Variants in MACROD2 observed in about 807,000 individuals in gnomAD.
MACROD2 encodes mono-ADP ribosylhydrolase 2.
A neutral mutation model predicts 70.4 loss-of-function variants in MACROD2; 36 were observed. That is an observed-to-expected ratio of 0.51 (90% CI 0.39 to 0.68). The LOEUF (loss-of-function observed/expected upper bound fraction) is 0.68, where lower values mean the gene tolerates loss of function less well. Ranked by LOEUF, MACROD2 falls within the 30% of genes least tolerant of loss-of-function variation. The pLI, the probability that MACROD2 is intolerant of heterozygous loss-of-function variation, is 0.00. For missense variants in MACROD2, 496 were observed against 538.4 expected (o/e 0.92, Z 0.78); for synonymous variants, 172 against 178.8 (o/e 0.96, Z 0.30).
intron 12 of MACROD2, among the ~76,000 whole-genome samples, chr20:15,948,231 G>A (rs929734591): frequency 6.6e-6 from 1 of 151,776 alleles, no homozygotes; most frequent in Non-Finnish European, 1.5e-5. Context: ...TGCTAATTAG[G>A]CTAAAACAGG....
At chr20:14,496,206 C>T (rs751905891) in intron 4 of MACROD2, among the ~76,000 whole-genome samples, 33 of 152,128 alleles carry the variant, frequency 2.2e-4, no homozygotes, top group Non-Finnish European at 4.0e-4. Context: ...CTTTTTTCAA[C>T]ATGAATTAAA....
rs150088317 is a variant in MACROD2, at chr20:14,194,751, G to A, written c.271+109023G>A. Among the ~76,000 whole-genome samples the A allele has an allele frequency of 1.2e-3, 178 of 152,290 alleles. 1 individual carries two copies. The highest frequency in any genetic ancestry group is 2.8e-3 in the Admixed American group (43 of 15,302). On this transcript the variant is annotated intron_variant, in intron 3 of 17. Transcript: ENST00000684519. ...TGATTTCAAAGCAGAACAAGGGTGGGACTGTTTGGTAGTGGAAAAGAAAGC... is the reference window on the plus strand; with the variant it reads ...TGATTTCAAAGCAGAACAAGGGTGGAACTGTTTGGTAGTGGAAAAGAAAGC...
At chr20:15,314,039 G>A (rs1013243090) in intron 6 of MACROD2, among the ~76,000 whole-genome samples, 1 of 152,072 alleles carries the variant, frequency 6.6e-6, no homozygotes. Flanking sequence ...TGAATATCTA[G>A]GACAAAGGTA....
intron 3 of MACROD2, among the ~76,000 whole-genome samples, chr20:14,215,728 C>T (rs1247416525): frequency 6.6e-6 from 1 of 152,104 alleles, no homozygotes; most frequent in East Asian, 1.9e-4. Context: ...GGTGCTATCG[C>T]ATTGTGGTTT....
In MACROD2 at chr20:15,085,873, A is replaced by ACAACACAC. The variant is rs35503821; in HGVS notation, c.419-144067_419-144066insCAACACAC. 2.9e-3 allele frequency among the ~76,000 whole-genome samples: 422 copies of ACAACACAC among 144,360 alleles called. 3 individuals carry two copies. Among genetic ancestry groups the ACAACACAC allele is most frequent in the African/African-American group, 0.01 (394 of 39,020 alleles). The allele number at this position is 144,360 out of a possible 152,430, so 94.7% of individuals were successfully genotyped here. On this transcript the variant is annotated intron_variant, in intron 5 of 17. Coordinates refer to ENST00000684519, the MANE Select transcript of MACROD2 (RefSeq NM_001351661.2). ...AAAGATGAATAACACACACACACAC[A>ACAACACAC]ACACACACACACACACACACACACA...
chr20:15,303,091 T>C (rs538159186), intron 6 of MACROD2, among the ~76,000 whole-genome samples: 2 of 152,346 alleles, frequency 1.3e-5, no homozygotes, highest in Non-Finnish European at 2.9e-5. Flanking sequence ...CTTATTTAGT[T>C]AATCTTCATC....
intron 10 of MACROD2, among the ~76,000 whole-genome samples, chr20:15,921,817 G>A (rs1037751793): frequency 6.6e-6 from 1 of 152,230 alleles, no homozygotes; most frequent in Non-Finnish European, 1.5e-5. Context: ...GCGGTGAAGT[G>A]AGATAGAGAA....
intron 6 of MACROD2, among the ~76,000 whole-genome samples, chr20:15,257,710 G>A (rs2077211889): frequency 6.6e-6 from 1 of 151,950 alleles, no homozygotes; most frequent in Non-Finnish European, 1.5e-5. Flanking sequence ...ACATATATAT[G>A]TATAGCACAC....
chr20:14,076,186 G>A (rs2053914195), intron 2 of MACROD2, among the ~76,000 whole-genome samples: 1 of 152,088 alleles, frequency 6.6e-6, no homozygotes, highest in Non-Finnish European at 1.5e-5. Context: ...GTTTATGTAT[G>A]TATGTTATAT....
chr20:14,267,595 A>G (rs930903870), intron 3 of MACROD2, among the ~76,000 whole-genome samples: 23 of 152,166 alleles, frequency 1.5e-4, no homozygotes, highest in Admixed American at 5.2e-4. Context: ...AACCAGGGCA[A>G]TAAGCATAAA....
chr20:15,956,344 A>T (rs758279338), intron 12 of MACROD2, among the ~76,000 whole-genome samples: 2 of 152,204 alleles, frequency 1.3e-5, no homozygotes, highest in Non-Finnish European at 2.9e-5. Context: ...AAAGAGTTTC[A>T]GATTTTTAAC....
chr20:15,485,921 C>T (rs970174045), intron 7 of MACROD2, among the ~76,000 whole-genome samples: 16 of 152,020 alleles, frequency 1.1e-4, no homozygotes, highest in Admixed American at 5.9e-4. Flanking sequence ...TTGCATGAAT[C>T]GCAGTCGATT....
intron 17 of MACROD2, among the ~76,000 whole-genome samples, chr20:16,048,951 A>T (rs1233688205): frequency 1.3e-5 from 2 of 152,238 alleles, no homozygotes; most frequent in Admixed American, 1.3e-4. Context: ...ACATATACAT[A>T]CATGGGAATT....
At chr20:15,107,051 G>A (rs1057252908) in intron 5 of MACROD2, among the ~76,000 whole-genome samples, 1 of 100,754 alleles carries the variant, frequency 9.9e-6, no homozygotes, top group Admixed American at 1.1e-4. Flanking sequence ...TATATAGATT[G>A]TTCTGTAATT....
chr20:15,145,952 A>G (rs2076227061), intron 5 of MACROD2, among the ~76,000 whole-genome samples: 1 of 152,168 alleles, frequency 6.6e-6, no homozygotes, highest in African/African-American at 2.4e-5. Flanking sequence ...AGGCATAAAC[A>G]TATTAATAGT....
At chr20:14,562,176 C>T (rs760280923) in intron 4 of MACROD2, among the ~76,000 whole-genome samples, 8 of 151,692 alleles carry the variant, frequency 5.3e-5, no homozygotes, top group Non-Finnish European at 1.2e-4. Flanking sequence ...GGAGGTAAAA[C>T]CAATGGCCAT....
rs200033130 is a variant in MACROD2, at chr20:15,334,589, T to TA, written c.541-96816_541-96815insA. On this transcript the variant is annotated intron_variant, in intron 6 of 17. Transcript: ENST00000684519. ...TCAAGTGGGGGAAAAATGATTTTTT[T>TA]TAAAAAAAAACTGCAAAGTGCCATT... is the stretch of plus-strand genomic sequence containing the variant. Among the ~76,000 whole-genome samples, 148 of 137,078 alleles carry TA rather than the reference T, an allele frequency of 1.1e-3. 4 individuals are homozygous for TA. The highest frequency in any genetic ancestry group is 3.0e-3 in the African/African-American group (112 of 37,854). 89.9% of individuals were successfully genotyped at this position (137,078 alleles called of 152,430 possible).
intron 6 of MACROD2, among the ~76,000 whole-genome samples, chr20:15,341,589 G>A (rs1329200106): frequency 6.6e-6 from 1 of 152,132 alleles, no homozygotes; most frequent in Non-Finnish European, 1.5e-5. Flanking sequence ...GAAAATGTTG[G>A]CAACAAATCT....
intron 3 of MACROD2, chr20:14,337,375 T>A: frequency 9.1e-5 from 26 of 284,228 alleles, no homozygotes; most frequent in Middle Eastern, 1.0e-3. Context: ...TCTGGGACAA[T>A]CATAAGAAAA....
Sources: gnomAD v4.1 joint callset for allele counts (sites outside exome capture counted in the v4.1 genomes callset) on GRCh38, gnomAD v4.1.1 for gene constraint, MANE v1.5 for transcripts, NCBI Gene and HGNC (gene_info 2026-07-23, HGNC 2026-07-21) for gene names.